Variants in RGS20 observed in about 807,000 individuals in gnomAD.
RGS20 encodes regulator of G protein signaling 20.
RGS20 carries 30 observed loss-of-function variants against 33.6 expected under a neutral mutation model. That is an observed-to-expected ratio of 0.89 (90% CI 0.67 to 1.21). The LOEUF is 1.21. RGS20 is among the 50% of genes most tolerant of loss of function. The pLI, the probability that RGS20 is intolerant of heterozygous loss-of-function variation, is 0.00. For missense variants in RGS20, 472 were observed against 502.4 expected (o/e 0.94, Z 0.58); for synonymous variants, 208 against 197.9 (o/e 1.05, Z -0.43).
intron 3 of RGS20, among the ~76,000 whole-genome samples, chr8:53,945,900 A>C (rs957967071): frequency 1.3e-5 from 2 of 152,086 alleles, no homozygotes; most frequent in African/African-American, 4.8e-5. Context: ...AAAAAAAAAA[A>C]TAGCATTCAT....
chr8:53,876,997 T>C (rs1356184076), intron 1 of RGS20, among the ~76,000 whole-genome samples: 1 of 152,112 alleles, frequency 6.6e-6, no homozygotes, highest in East Asian at 1.9e-4. Context: ...GAAGAAGGAC[T>C]GGGGCGAAGG....
At chr8:53,925,631 A>T (rs1813769656) in intron 2 of RGS20, among the ~76,000 whole-genome samples, 1 of 152,146 alleles carries the variant, frequency 6.6e-6, no homozygotes, top group Non-Finnish European at 1.5e-5. Context: ...GCTACTCAGG[A>T]GGCTGAGGCA....
chr8:53,945,915 C>A (rs1234727154), intron 3 of RGS20, among the ~76,000 whole-genome samples: 3 of 151,484 alleles, frequency 2.0e-5, no homozygotes, highest in Non-Finnish European at 2.9e-5. Flanking sequence ...ATTCATATTA[C>A]AACAATAACC....
intron 2 of RGS20, among the ~76,000 whole-genome samples, chr8:53,892,224 C>A (rs1481189001): frequency 6.6e-6 from 1 of 152,204 alleles, no homozygotes; most frequent in African/African-American, 2.4e-5. Flanking sequence ...ACGAACTCAT[C>A]ATTTTTTATG....
rs1300751997 is a variant in RGS20, at chr8:53,918,927, T to C, written c.511-20649T>C. On this transcript the variant is annotated intron_variant, in intron 2 of 5. Coordinates refer to ENST00000297313, the MANE Select transcript of RGS20 (RefSeq NM_170587.4). ...ATGTGTTTTCAGTTTTCTGGGCATA[T>C]ATAGGACTAGAATTGCTGGGTCATT... Among the ~76,000 whole-genome samples the C allele has an allele frequency of 1.3e-5, 2 of 152,234 alleles. 1 individual carries two copies. The highest frequency in any genetic ancestry group is 2.9e-5 in the Non-Finnish European group (2 of 68,042).
Position 53,879,493 on chromosome 8 carries a change from C to T in RGS20, c.401C>T (p.Ala134Val), listed in dbSNP as rs1313033688. 1 of 1,559,800 alleles carries T rather than the reference C, an allele frequency of 6.4e-7. No individual in the cohort carries two copies. Among genetic ancestry groups the T allele is most frequent in the Non-Finnish European group, 8.7e-7 (1 of 1,155,688 alleles). ...CGCCTCTCGCTCCTGCTCGGGGCGGCGCTGGCACTGCCCGGCCGACCCTCG... is the reference window on the plus strand; with the variant it reads ...CGCCTCTCGCTCCTGCTCGGGGCGGTGCTGGCACTGCCCGGCCGACCCTCG... The change falls in exon 2 of 6, where the codon GCG becomes GTG. Residue 134 changes from alanine (A) to valine (V), a missense_variant. Around this residue, in one of 3 missense-constraint regions of RGS20, gnomAD observed 319 missense variants for 283.4 expected, o/e 1.13. Coordinates refer to ENST00000297313, the MANE Select transcript of RGS20 (RefSeq NM_170587.4).
At position 53,851,814 on chromosome 8, in the gene RGS20, CCAAA is replaced by C. The variant is rs1443411798; in HGVS notation, c.-81_-78del. The C allele has an allele frequency of 7.0e-7, 1 of 1,428,754 alleles. No individual in the cohort carries two copies. 88.5% of individuals were successfully genotyped at this position (1,428,754 alleles called of 1,614,324 possible). Reference sequence around the variant, plus strand: ...AGATTCAGAGCCAGCCCAGCATTAACCAAACAAAGAGAAGCAGAGTGGATCCTGT... The same window carrying C: ...AGATTCAGAGCCAGCCCAGCATTAACCAAAGAGAAGCAGAGTGGATCCTGT... On this transcript the variant is annotated 5_prime_UTR_variant, in exon 1 of 6. Transcript: ENST00000297313.
chr8:53,857,474 A>G (rs1486917393), intron 1 of RGS20, among the ~76,000 whole-genome samples: 1 of 152,222 alleles, frequency 6.6e-6, no homozygotes, highest in Non-Finnish European at 1.5e-5. Context: ...ACCCAGGACA[A>G]TCCATGTGAT....
At position 53,879,408 on chromosome 8, in the gene RGS20, CCCCTGCTTCCCG is replaced by C. The variant is rs772028703; in HGVS notation, c.323_334del (p.Leu108_Leu111del). 19 of 1,609,784 alleles carry C rather than the reference CCCCTGCTTCCCG, an allele frequency of 1.2e-5. No homozygotes were observed. Among genetic ancestry groups the C allele is most frequent in the Non-Finnish European group, 1.6e-5 (19 of 1,178,932 alleles). ...TCCCCGGAGGCGCCTGGACTTCTCC[CCCCTGCTTCCCG>C]CCCTGCCGGCCGCCCGGCTCTCGAG... On this transcript the variant is annotated inframe_deletion, in exon 2 of 6. Coordinates refer to ENST00000297313, the MANE Select transcript of RGS20 (RefSeq NM_170587.4).
intron 2 of RGS20, among the ~76,000 whole-genome samples, chr8:53,920,952 G>A (rs1020740448): frequency 2.0e-5 from 3 of 152,064 alleles, no homozygotes; most frequent in African/African-American, 7.2e-5. Context: ...TAGAGATAGG[G>A]TTTCACCATG....
intron 1 of RGS20, among the ~76,000 whole-genome samples, chr8:53,878,576 C>T (rs1812260031): frequency 6.6e-6 from 1 of 152,146 alleles, no homozygotes; most frequent in Non-Finnish European, 1.5e-5. Context: ...TAGTAGCAGC[C>T]CTAACATGGA....
chr8:53,935,483 AC>A (rs767932664), intron 2 of RGS20, among the ~76,000 whole-genome samples: 4 of 152,168 alleles, frequency 2.6e-5, no homozygotes, highest in Non-Finnish European at 5.9e-5. Context: ...ACACCTCTAC[AC>A]AAATAAACTA....
At chr8:53,854,147 A>G (rs1408229201) in intron 1 of RGS20, among the ~76,000 whole-genome samples, 1 of 152,166 alleles carries the variant, frequency 6.6e-6, no homozygotes, top group African/African-American at 2.4e-5. Flanking sequence ...AAAAAATGGG[A>G]GAAAATCTTT....
At chr8:53,919,486 C>G (rs1025852785) in intron 2 of RGS20, among the ~76,000 whole-genome samples, 20 of 152,062 alleles carry the variant, frequency 1.3e-4, no homozygotes, top group African/African-American at 4.6e-4. Context: ...GGATTACAGG[C>G]ACGTGCCACT....
Position 53,858,489 on chromosome 8 carries a change from C to CAT in RGS20, c.165+6437_165+6438dup, listed in dbSNP as rs539457717. The stretch of plus-strand genomic sequence containing the variant: ...TCAGAAATGGATGCATATATATATA[C>CAT]ATATATATATATACACACACACACA... On this transcript the variant is annotated intron_variant, in intron 1 of 5. Transcript: ENST00000297313. Among the ~76,000 whole-genome samples the CAT allele has an allele frequency of 9.3e-3, 1,405 of 150,708 alleles. 27 individuals carry two copies. Among genetic ancestry groups the CAT allele is most frequent in the African/African-American group, 0.031 (1,283 of 40,908 alleles).
chr8:53,889,517 C>T (rs1457330462), intron 2 of RGS20, among the ~76,000 whole-genome samples: 2 of 134,194 alleles, frequency 1.5e-5, no homozygotes, highest in African/African-American at 2.7e-5. Context: ...GAAGCTGAGA[C>T]TATAGGTGTC....
chr8:53,885,897 G>C (rs892975418), intron 2 of RGS20, among the ~76,000 whole-genome samples: 11 of 151,266 alleles, frequency 7.3e-5, no homozygotes, highest in South Asian at 6.3e-4. Context: ...TAGACAGAAG[G>C]ACAGGGCATT....
At chr8:53,946,260 GC>G (rs1814474483) in intron 3 of RGS20, among the ~76,000 whole-genome samples, 1 of 151,890 alleles carries the variant, frequency 6.6e-6, no homozygotes, top group East Asian at 1.9e-4. Flanking sequence ...ACAGGGTCTC[GC>G]TATGATGCCC....
rs536865361 is a variant in RGS20, at chr8:53,877,821, G to C, written c.166-1437G>C. On this transcript the variant is annotated intron_variant, in intron 1 of 5. Coordinates refer to ENST00000297313, the MANE Select transcript of RGS20 (RefSeq NM_170587.4). This position sits in a 1 kb window ranked among gnomAD's most constrained non-coding sequence, Gnocchi z 5.7. The stretch of plus-strand genomic sequence containing the variant: ...AAGACAAATCAGCCACCGCACTCGC[G>C]GCTTCCCAGAAAGGGCCTCATGAAT... 6.6e-6 allele frequency among the ~76,000 whole-genome samples: 1 copy of C among 152,226 alleles called. No individual in the cohort carries two copies. The highest frequency in any genetic ancestry group is 2.1e-4 in the South Asian group (1 of 4,834).
Sources: gnomAD v4.1 joint callset for allele counts (sites outside exome capture counted in the v4.1 genomes callset) on GRCh38, gnomAD v4.1.1 for gene constraint, gnomAD v4.1.1 regional missense constraint, Gnocchi (gnomAD v3.1) non-coding constraint, MANE v1.5 for transcripts, NCBI Gene and HGNC (gene_info 2026-07-23, HGNC 2026-07-21) for gene names.